Variants in FMN1 observed in about 807,000 individuals in gnomAD.
FMN1 encodes formin-1.
A neutral mutation model predicts 132.4 loss-of-function variants in FMN1; 110 were observed. The ratio of observed to expected loss-of-function variants is 0.83; its 90% CI spans 0.71 to 0.97. The LOEUF is 0.97. Ranked by LOEUF, FMN1 falls within the 50% of genes least tolerant of loss-of-function variation. The pLI, the probability that FMN1 is intolerant of heterozygous loss-of-function variation, is 0.00. For synonymous variants in FMN1, 722 were observed against 651.7 expected, an observed-to-expected ratio of 1.11 and a Z score of -1.64; for missense variants, 1,792 against 1,705.3, an observed-to-expected ratio of 1.05 and a Z score of -0.90.
At chr15:32,821,107 C>CTTTTTTTTTTTTTTTTTTTT (rs1329682702) in intron 17 of FMN1, among the ~76,000 whole-genome samples, 1 of 150,548 alleles carries the variant, frequency 6.6e-6, no homozygotes, top group South Asian at 2.1e-4. Context: ...CACAGATTTT[C>CTTTTTTTTTTTTTTTTTTTT]TAAGATACAA....
intron 10 of FMN1, among the ~76,000 whole-genome samples, chr15:32,921,680 T>C (rs2060826972): frequency 4.6e-5 from 2 of 43,204 alleles, no homozygotes; most frequent in Admixed American, 3.6e-4. Context: ...CTTTTTTTTC[T>C]TTTTTTTTTT....
At chr15:33,018,858 A>G (rs1016507172) in intron 6 of FMN1, among the ~76,000 whole-genome samples, 1 of 152,152 alleles carries the variant, frequency 6.6e-6, no homozygotes, top group African/African-American at 2.4e-5. Context: ...CTCTTAAGGC[A>G]GCACGTCTGG....
In FMN1 at chr15:33,104,010, G is replaced by A. The variant is rs371208886; in HGVS notation, c.1868-15036C>T. 7.8e-4 allele frequency among the ~76,000 whole-genome samples: 119 copies of A among 151,964 alleles called. No homozygotes were observed. In the South Asian group the frequency reaches 0.013, roughly 16 times the overall value. On this transcript the variant is annotated intron_variant, in intron 4 of 20. Coordinates refer to ENST00000616417, the MANE Select transcript of FMN1 (RefSeq NM_001277313.2). ...TTACTAAAAGAAAATTAACTTCATC[G>A]GCAAAATTTTCAGGAAGGAACTGAT... is the stretch of plus-strand genomic sequence containing the variant.
Position 32,855,159 on chromosome 15 carries a change from A to T in FMN1, c.3928+1856T>A, listed in dbSNP as rs1000605128. On this transcript the variant is annotated intron_variant, in intron 17 of 20. Transcript: ENST00000616417. Reference sequence around the variant, plus strand: ...CCACACTGGAATTACGTGGAGAGTAAAAAAAAAAAAAAAAAAAAAAAAAGA... The same window carrying T: ...CCACACTGGAATTACGTGGAGAGTATAAAAAAAAAAAAAAAAAAAAAAAGA... Among the ~76,000 whole-genome samples the T allele has an allele frequency of 7.1e-3, 612 of 86,018 alleles. 5 individuals carry two copies. Among genetic ancestry groups the T allele is most frequent in the African/African-American group, 0.027 (520 of 19,182 alleles). The allele number at this position is 86,018 out of a possible 152,430, so 56.4% of individuals were successfully genotyped here. A position where few individuals can be genotyped will look rare whatever the true frequency, so the allele number is the denominator to read the frequency against.
chr15:32,824,777 C>G (rs983557117), intron 17 of FMN1, among the ~76,000 whole-genome samples: 1 of 152,140 alleles, frequency 6.6e-6, no homozygotes, highest in Non-Finnish European at 1.5e-5. Context: ...TTATAATTAG[C>G]TATAAATTCA....
intron 17 of FMN1, among the ~76,000 whole-genome samples, chr15:32,806,384 A>C (rs1252023777): frequency 1.3e-5 from 2 of 152,272 alleles, no homozygotes; most frequent in Non-Finnish European, 2.9e-5. Flanking sequence ...ATTATCATAC[A>C]GCTGCTGTAA....
At chr15:32,928,561 G>A (rs1056509009) in intron 9 of FMN1, among the ~76,000 whole-genome samples, 1 of 152,196 alleles carries the variant, frequency 6.6e-6, no homozygotes, top group Admixed American at 6.5e-5. Flanking sequence ...CAAGTCGTAA[G>A]AAGTTTGCTG....
intron 6 of FMN1, among the ~76,000 whole-genome samples, chr15:33,052,194 C>G (rs907513757): frequency 6.6e-6 from 1 of 152,196 alleles, no homozygotes; most frequent in Non-Finnish European, 1.5e-5. Flanking sequence ...GAATACTATA[C>G]ATAACTATGC....
intron 4 of FMN1, among the ~76,000 whole-genome samples, chr15:33,116,132 G>A (rs940897069): frequency 1.3e-5 from 2 of 152,088 alleles, no homozygotes; most frequent in Non-Finnish European, 1.5e-5. Flanking sequence ...ATAGTACTAT[G>A]GTTTTCCTTA....
chr15:32,774,896 C>G (rs1042783424), intron 20 of FMN1, among the ~76,000 whole-genome samples: 12 of 152,162 alleles, frequency 7.9e-5, no homozygotes, highest in African/African-American at 2.7e-4. Context: ...GCTTCCTCCT[C>G]AGAGACTGCC....
rs377263342 is a variant in FMN1, at chr15:32,929,981, A to ATTTT, written c.3139-3724_3139-3721dup. Among the ~76,000 whole-genome samples the ATTTT allele has an allele frequency of 5.8e-4, 53 of 91,990 alleles. 1 individual carries two copies. The highest frequency in any genetic ancestry group is 2.0e-3 in the African/African-American group (42 of 20,726). The allele number at this position is 91,990 out of a possible 152,430, so 60.3% of individuals were successfully genotyped here. On this transcript the variant is annotated intron_variant, in intron 9 of 20. Coordinates refer to ENST00000616417, the MANE Select transcript of FMN1 (RefSeq NM_001277313.2). The stretch of plus-strand genomic sequence containing the variant: ...GATCATATGGTAGTTCTATTTTTAA[A>ATTTT]TTTTTTTTTTTTTTTTTTTTTTTTT...
At chr15:33,011,817 T>A (rs559038174) in intron 6 of FMN1, among the ~76,000 whole-genome samples, 6 of 152,236 alleles carry the variant, frequency 3.9e-5, no homozygotes, top group East Asian at 3.9e-4. Flanking sequence ...AAAGATGATA[T>A]ACAAATAATA....
intron 4 of FMN1, among the ~76,000 whole-genome samples, chr15:33,105,206 G>A (rs2039439167): frequency 6.6e-6 from 1 of 152,010 alleles, no homozygotes; most frequent in Admixed American, 6.6e-5. Context: ...TTACTAAATG[G>A]AGCTATGTCC....
intron 7 of FMN1, among the ~76,000 whole-genome samples, chr15:33,005,736 G>C (rs2034380378): frequency 6.6e-6 from 1 of 152,166 alleles, no homozygotes; most frequent in Non-Finnish European, 1.5e-5. Flanking sequence ...CACAACTTCT[G>C]CTTACAGAAT....
At chr15:33,062,090 A>G (rs776247097) in intron 6 of FMN1, among the ~76,000 whole-genome samples, 2 of 152,182 alleles carry the variant, frequency 1.3e-5, no homozygotes, top group Non-Finnish European at 2.9e-5. Context: ...AAAGTAAAAT[A>G]ACAGTTTCAA....
In FMN1 at chr15:33,048,644, A is replaced by AAACAAAAAAAAAAAACAAAAAC. The variant is rs1555388954; in HGVS notation, c.2161+16312_2161+16313insGTTTTTGTTTTTTTTTTTTGTT. 5.0e-3 allele frequency among the ~76,000 whole-genome samples: 437 copies of AAACAAAAAAAAAAAACAAAAAC among 86,924 alleles called. 35 individuals carry two copies. The highest frequency in any genetic ancestry group is 0.017 in the African/African-American group (423 of 24,322). 57.0% of individuals were successfully genotyped at this position (86,924 alleles called of 152,430 possible). A position where few individuals can be genotyped will look rare whatever the true frequency, so the allele number is the denominator to read the frequency against. On this transcript the variant is annotated intron_variant, in intron 6 of 20. Coordinates refer to ENST00000616417, the MANE Select transcript of FMN1 (RefSeq NM_001277313.2). ...TGGGCAATTTACCAAAAAAAAAAAA[A>AAACAAAAAAAAAAAACAAAAAC]AAAAACCAACAGTTTAATGGACTTA...
chr15:32,914,736 T>C (rs2060644052), intron 10 of FMN1, among the ~76,000 whole-genome samples: 1 of 152,246 alleles, frequency 6.6e-6, no homozygotes, highest in South Asian at 2.1e-4. Context: ...AGAGCACTAT[T>C]ATAGTGACAT....
intron 12 of FMN1, among the ~76,000 whole-genome samples, chr15:32,907,708 T>C (rs116258490): frequency 6.7e-6 from 1 of 150,292 alleles, no homozygotes; most frequent in Non-Finnish European, 1.5e-5. Context: ...AGGGTTGGCC[T>C]GAACTGGACA....
At chr15:33,117,142 C>T (rs1193488038) in intron 4 of FMN1, among the ~76,000 whole-genome samples, 1 of 152,042 alleles carries the variant, frequency 6.6e-6, no homozygotes, top group Non-Finnish European at 1.5e-5. Context: ...AATGGAGGAT[C>T]TAGTTTGGAG....
Sources: allele counts gnomAD v4.1 joint callset (sites outside exome capture counted in the v4.1 genomes callset), GRCh38; gene constraint gnomAD v4.1.1; transcripts MANE v1.5; gene names NCBI Gene and HGNC (gene_info 2026-07-23, HGNC 2026-07-21).